The following VRK2 variants were observed in gnomAD, a reference collection of about 807,000 sequenced individuals.
VRK2 encodes VRK serine/threonine kinase 2, also known as serine/threonine-protein kinase VRK2.
VRK2 carries 60 observed loss-of-function variants against 57.6 expected under a neutral mutation model. The observed-to-expected ratio is 1.04, with a 90% confidence interval of 0.85 to 1.29. The LOEUF (loss-of-function observed/expected upper bound fraction) is 1.29. VRK2 is among the 50% of genes most tolerant of loss of function. VRK2 has a pLI of 0.00. For missense variants in VRK2, 705 were observed against 588.1 expected, an observed-to-expected ratio of 1.20 and a Z score of -2.06; for synonymous variants, 231 against 199.2, an observed-to-expected ratio of 1.16 and a Z score of -1.35.
intron 1 of VRK2, among the ~76,000 whole-genome samples, chr2:57,984,495 G>A (rs1334195349): frequency 2.6e-5 from 4 of 152,092 alleles, no homozygotes; most frequent in Non-Finnish European, 4.4e-5. Context: ...ATGGATAAGT[G>A]CTAAAAGGCA....
At chr2:57,945,949 C>T (rs1473133869) in intron 1 of VRK2, among the ~76,000 whole-genome samples, 1 of 152,036 alleles carries the variant, frequency 6.6e-6, no homozygotes, top group East Asian at 1.9e-4. Flanking sequence ...TATATTTAGA[C>T]CAACTTAACC....
intron 7 of VRK2, among the ~76,000 whole-genome samples, chr2:58,117,103 TGGG>T (rs1676636799): frequency 6.6e-6 from 1 of 152,080 alleles, no homozygotes; most frequent in African/African-American, 2.4e-5. Flanking sequence ...GGGAGCAGAT[TGGG>T]TAATAAAATG....
intron 3 of VRK2, 112 bp downstream of exon 3, chr2:58,084,250 A>G: frequency 2.7e-6 from 3 of 1,099,310 alleles, no homozygotes; most frequent in Non-Finnish European, 2.6e-6. Flanking sequence ...AGTAAACCTA[A>G]TGTTATCATC....
At chr2:58,102,617 C>T (rs991444392) in intron 7 of VRK2, among the ~76,000 whole-genome samples, 5 of 151,088 alleles carry the variant, frequency 3.3e-5, no homozygotes, top group South Asian at 2.1e-4. Flanking sequence ...AACAATATTA[C>T]GAGACCTAAA....
intron 2 of VRK2, among the ~76,000 whole-genome samples, chr2:58,068,861 A>G (rs1363746746): frequency 6.6e-6 from 1 of 151,400 alleles, no homozygotes; most frequent in Non-Finnish European, 1.5e-5. Context: ...TTTAGTTTCA[A>G]AAACATCATT....
chr2:58,056,361 C>G (rs1453833360), intron 2 of VRK2, among the ~76,000 whole-genome samples: 2 of 152,136 alleles, frequency 1.3e-5, no homozygotes. Flanking sequence ...TTGTAACTGC[C>G]AAGTAAAACT....
intron 1 of VRK2, among the ~76,000 whole-genome samples, chr2:57,963,783 A>G (rs1371311785): frequency 2.0e-5 from 3 of 152,226 alleles, no homozygotes; most frequent in Admixed American, 6.5e-5. Flanking sequence ...TCTGCATCAC[A>G]AAGATAAGTG....
intron 9 of VRK2, among the ~76,000 whole-genome samples, chr2:58,132,360 A>G (rs773091223): frequency 2.0e-5 from 3 of 152,172 alleles, no homozygotes; most frequent in Non-Finnish European, 4.4e-5. Context: ...CATACCTCTT[A>G]TTTCTGTCTT....
chr2:57,974,215 G>C (rs930681381), intron 1 of VRK2, among the ~76,000 whole-genome samples: 1 of 151,778 alleles, frequency 6.6e-6, no homozygotes, highest in East Asian at 1.9e-4. Context: ...AAAATGGATC[G>C]AAAGAAAAAC....
At chr2:58,131,688 T>A in intron 8 of VRK2, 120 bp from the exon 9 acceptor site, 1 of 1,235,888 alleles carries the variant, frequency 8.1e-7, no homozygotes, top group Non-Finnish European at 1.1e-6. Flanking sequence ...GCTGAACAAA[T>A]AAAACATTTT....
chr2:58,031,120 G>T (rs908472715), intron 2 of VRK2, among the ~76,000 whole-genome samples: 3 of 152,032 alleles, frequency 2.0e-5, no homozygotes, highest in Non-Finnish European at 4.4e-5. Context: ...TAACATACTT[G>T]TTACTTTATG....
At chr2:58,090,348 A>AT (rs1672201102) in intron 7 of VRK2, among the ~76,000 whole-genome samples, 1 of 146,596 alleles carries the variant, frequency 6.8e-6, no homozygotes, top group Admixed American at 6.9e-5. Flanking sequence ...GTGAGCTGAG[A>AT]TGGTGCCATT....
rs540817021 is a variant in VRK2 at position 58,015,995 on chromosome 2, T to C, written c.-438-9670T>C. Among the ~76,000 whole-genome samples the C allele has an allele frequency of 6.6e-5, 10 of 152,220 alleles. No individual in the cohort carries two copies. In the South Asian group the frequency reaches 2.1e-3, roughly 32 times the overall value. ...AGACATTTATTCACTCAGGTAAATT[T>C]CTTCAAATGTTTTCTTTGATGATTG... On this transcript the variant is annotated intron_variant, in intron 1 of 15. Transcript: ENST00000417641.
chr2:57,943,511 C>A (rs1285789188), intron 1 of VRK2, among the ~76,000 whole-genome samples: 1 of 152,160 alleles, frequency 6.6e-6, no homozygotes, highest in African/African-American at 2.4e-5. Flanking sequence ...GATAATGGAA[C>A]TTCTGGCACT....
chr2:58,111,210 T>C (rs559643763), intron 7 of VRK2, among the ~76,000 whole-genome samples: 1 of 152,254 alleles, frequency 6.6e-6, no homozygotes, highest in South Asian at 2.1e-4. Flanking sequence ...TGGCTTACGT[T>C]GTTTGGGAAT....
At position 57,926,777 on chromosome 2, in the gene VRK2, T is replaced by A. The variant is rs1670553109; in HGVS notation, c.-439+18938T>A. Among the ~76,000 whole-genome samples, 3 of 151,896 alleles carry A rather than the reference T, an allele frequency of 2.0e-5. No individual in the cohort carries two copies. In the East Asian group the frequency reaches 5.8e-4, roughly 29 times the overall value. On this transcript the variant is annotated intron_variant, in intron 1 of 15. Transcript: ENST00000417641. ...ATAGATGAAGTGTATTTCTTGTAGG[T>A]CACAGATCACTGGGTCTTGTTTTTC...
intron 1 of VRK2, among the ~76,000 whole-genome samples, chr2:57,940,748 C>T (rs1456162065): frequency 6.6e-6 from 1 of 152,078 alleles, no homozygotes; most frequent in Non-Finnish European, 1.5e-5. Flanking sequence ...ACAATTAAAA[C>T]TCAACTTCTG....
At chr2:58,015,385 A>G (rs1673549969) in intron 1 of VRK2, among the ~76,000 whole-genome samples, 1 of 152,134 alleles carries the variant, frequency 6.6e-6, no homozygotes, top group African/African-American at 2.4e-5. Context: ...TGGCCTTACT[A>G]TTTCCTGGCT....
intron 1 of VRK2, among the ~76,000 whole-genome samples, chr2:57,950,605 T>C (rs1671397452): frequency 6.6e-6 from 1 of 152,240 alleles, no homozygotes; most frequent in Non-Finnish European, 1.5e-5. Flanking sequence ...AGATTAATGT[T>C]GTCTTCGTGC....
Sources: gnomAD v4.1 joint callset for allele counts (sites outside exome capture counted in the v4.1 genomes callset) on GRCh38, gnomAD v4.1.1 for gene constraint, MANE v1.5 for transcripts, NCBI Gene and HGNC (gene_info 2026-07-23, HGNC 2026-07-21) for gene names.